Variants in LRBA observed in about 807,000 individuals in gnomAD.
The protein encoded by LRBA is LPS responsive beige-like anchor protein, also known as lipopolysaccharide-responsive and beige-like anchor protein.
A neutral mutation model predicts 330.0 loss-of-function variants in LRBA; 176 were observed. That is an observed-to-expected ratio of 0.53 (90% CI 0.47 to 0.60). LRBA has a LOEUF of 0.60. LRBA is among the 20% of genes least tolerant of loss of function. The pLI, the probability that LRBA is intolerant of heterozygous loss-of-function variation, is 0.00. For missense variants in LRBA, 3,259 were observed against 3,444.8 expected, an observed-to-expected ratio of 0.95 and a Z score of 1.35; for synonymous variants, 1,230 against 1,193.0, an observed-to-expected ratio of 1.03 and a Z score of -0.64.
intron 42 of LRBA, among the ~76,000 whole-genome samples, chr4:150,472,728 T>C (rs1432944844): frequency 6.6e-6 from 1 of 152,152 alleles, no homozygotes; most frequent in Non-Finnish European, 1.5e-5. Flanking sequence ...TTCAGATCAA[T>C]GGAATCATAC....
intron 38 of LRBA, among the ~76,000 whole-genome samples, chr4:150,594,175 A>G (rs938047881): frequency 6.6e-6 from 1 of 152,138 alleles, no homozygotes; most frequent in African/African-American, 2.4e-5. Context: ...ACTGATATTT[A>G]GAATGGTTTT....
At chr4:150,711,002 C>T (rs557823238) in intron 36 of LRBA, among the ~76,000 whole-genome samples, 6 of 151,908 alleles carry the variant, frequency 3.9e-5, no homozygotes, top group African/African-American at 1.4e-4. Context: ...CCACTAATTC[C>T]CAGGAGCTAT....
At chr4:150,302,536 C>G (rs958921266) in intron 53 of LRBA, 89 bp downstream of exon 53, 1 of 796,276 alleles carries the variant, frequency 1.3e-6, no homozygotes, top group Admixed American at 2.7e-5. Context: ...TCCTGTCTCA[C>G]TTTTACCATA....
At chr4:150,550,467 T>C (rs976044431) in intron 40 of LRBA, among the ~76,000 whole-genome samples, 2 of 152,200 alleles carry the variant, frequency 1.3e-5, no homozygotes, top group Non-Finnish European at 2.9e-5. Context: ...AAATGAGTAT[T>C]TACTATTTTG....
rs1731599127 is a variant in LRBA at position 150,908,570 on chromosome 4, T to C, written c.1359+90A>G. The C allele has an allele frequency of 2.8e-6, 4 of 1,436,980 alleles. No individual in the cohort carries two copies. In the Admixed American group the frequency reaches 8.2e-5, roughly 29 times the overall value. The allele number at this position is 1,436,980 out of a possible 1,614,324, so 89.0% of individuals were successfully genotyped here. On this transcript the variant is annotated intron_variant, in intron 10 of 56. Coordinates refer to ENST00000651943, the MANE Select transcript of LRBA (RefSeq NM_001364905.1). ...TGCAGAAACACTATAAACGTGACATTCCATGTGTTTAACAGAAGCTACCAA... is the reference window on the plus strand; with the variant it reads ...TGCAGAAACACTATAAACGTGACATCCCATGTGTTTAACAGAAGCTACCAA...
At chr4:150,880,649 A>G (rs1011740070) in intron 17 of LRBA, among the ~76,000 whole-genome samples, 1 of 152,222 alleles carries the variant, frequency 6.6e-6, no homozygotes, top group Non-Finnish European at 1.5e-5. Context: ...GAAAGAATTT[A>G]TCACTAAGTC....
chr4:150,470,877 C>A (rs950881292), intron 43 of LRBA, among the ~76,000 whole-genome samples: 33 of 28,402 alleles, frequency 1.2e-3, no homozygotes, highest in African/African-American at 2.7e-3. Flanking sequence ...ACACACACAC[C>A]ACACACTAAA....
intron 46 of LRBA, among the ~76,000 whole-genome samples, chr4:150,431,933 G>A (rs1750438443): frequency 6.6e-6 from 1 of 151,900 alleles, no homozygotes; most frequent in Non-Finnish European, 1.5e-5. Flanking sequence ...TGTAAAAAAA[G>A]GTCTCTTCTT....
At chr4:150,738,342 T>C (rs777176441) in intron 35 of LRBA, among the ~76,000 whole-genome samples, 7 of 152,144 alleles carry the variant, frequency 4.6e-5, no homozygotes, top group Non-Finnish European at 1.0e-4. Flanking sequence ...TGCTAAGCTG[T>C]GTTTGTCTGT....
At chr4:150,342,830 G>C (rs1421499466) in intron 48 of LRBA, among the ~76,000 whole-genome samples, 1 of 152,124 alleles carries the variant, frequency 6.6e-6, no homozygotes, top group Non-Finnish European at 1.5e-5. Flanking sequence ...TAAGTGTATA[G>C]AAGTGAACAG....
chr4:150,893,512 G>A (rs571745767), intron 16 of LRBA, among the ~76,000 whole-genome samples: 156 of 152,042 alleles, frequency 1.0e-3, no homozygotes, highest in African/African-American at 3.6e-3. Context: ...ACCACATCTG[G>A]CTAATTTTTG....
At chr4:150,341,102 C>T (rs908486289) in intron 48 of LRBA, among the ~76,000 whole-genome samples, 5 of 152,016 alleles carry the variant, frequency 3.3e-5, no homozygotes, top group South Asian at 2.1e-4. Context: ...AGTATGGTGG[C>T]GGCTTGAACT....
chr4:150,287,015 A>G (rs1016506296), intron 53 of LRBA, among the ~76,000 whole-genome samples: 1 of 152,238 alleles, frequency 6.6e-6, no homozygotes, highest in African/African-American at 2.4e-5. Context: ...CCAAGTGGAG[A>G]GCAGGATTCT....
rs145816484 is a variant in LRBA, at chr4:150,674,787, G to C, written c.5921+8764C>G. Among the ~76,000 whole-genome samples, 4 of 152,110 alleles carry C rather than the reference G, an allele frequency of 2.6e-5. No individual in the cohort carries two copies. The East Asian group carries it at 7.7e-4, about 29-fold the overall frequency. Reference sequence around the variant, plus strand: ...CTACTTGGGAGGCTGAAGGAGGAGGGCTGCTTGAGCCCTGGAGGTCAGGGC... The same window carrying C: ...CTACTTGGGAGGCTGAAGGAGGAGGCCTGCTTGAGCCCTGGAGGTCAGGGC... On this transcript the variant is annotated intron_variant, in intron 37 of 56. Coordinates refer to ENST00000651943, the MANE Select transcript of LRBA (RefSeq NM_001364905.1).
At chr4:150,685,898 C>T (rs1783579999) in intron 36 of LRBA, among the ~76,000 whole-genome samples, 1 of 151,926 alleles carries the variant, frequency 6.6e-6, no homozygotes, top group South Asian at 2.1e-4. Context: ...AGGGACAAAG[C>T]AAGAGAGTTT....
chr4:150,331,510 T>TA (rs1183809182), intron 48 of LRBA, among the ~76,000 whole-genome samples: 1 of 152,194 alleles, frequency 6.6e-6, no homozygotes, highest in East Asian at 1.9e-4. Flanking sequence ...CTTCAATAAT[T>TA]ATTAAGACAT....
At chr4:150,294,805 A>G (rs1057199948) in intron 53 of LRBA, among the ~76,000 whole-genome samples, 2 of 152,184 alleles carry the variant, frequency 1.3e-5, no homozygotes, top group Non-Finnish European at 2.9e-5. Flanking sequence ...CAAAAAAATT[A>G]TCTGGGCGCG....
intron 17 of LRBA, among the ~76,000 whole-genome samples, chr4:150,885,503 C>T (rs1728854388): frequency 6.6e-6 from 1 of 152,060 alleles, no homozygotes; most frequent in African/African-American, 2.4e-5. Flanking sequence ...TGCCTGTAGT[C>T]CCAGCTACTT....
rs537436474 is a variant in LRBA at position 150,848,684 on chromosome 4, T to TA, written c.4339+133dup. On this transcript the variant is annotated intron_variant, in intron 26 of 56. Transcript: ENST00000651943. Reference sequence around the variant, plus strand: ...ACTTACCAACTACTACTATGTACATTAAAAAAAGTAACCATATGACAAATT... The same window carrying TA: ...ACTTACCAACTACTACTATGTACATTAAAAAAAAGTAACCATATGACAAATT... 372 of 677,808 alleles carry TA rather than the reference T, an allele frequency of 5.5e-4. No individual in the cohort carries two copies. In the Middle Eastern group the frequency reaches 5.5e-3, roughly 10 times the overall value. 42.0% of individuals were successfully genotyped at this position (677,808 alleles called of 1,614,324 possible).
Sources: gnomAD v4.1 joint callset for allele counts (sites outside exome capture counted in the v4.1 genomes callset) on GRCh38, gnomAD v4.1.1 for gene constraint, MANE v1.5 for transcripts, NCBI Gene and HGNC (gene_info 2026-07-23, HGNC 2026-07-21) for gene names.